SORBS2: variants seen among roughly 807,000 people sequenced by gnomAD.
SORBS2 encodes the protein sorbin and SH3 domain containing 2.
In SORBS2, 46 loss-of-function variants were observed where a neutral mutation model predicts 97.7. That is an observed-to-expected ratio of 0.47 (90% CI 0.37 to 0.60). The LOEUF (loss-of-function observed/expected upper bound fraction) is 0.60. SORBS2 is among the 20% of genes least tolerant of loss of function. The pLI, the probability that SORBS2 is intolerant of heterozygous loss-of-function variation, is 0.00. For missense variants in SORBS2, 1,316 were observed against 1,282.3 expected, an observed-to-expected ratio of 1.03 and a Z score of -0.40; for synonymous variants, 476 against 473.4, an observed-to-expected ratio of 1.01 and a Z score of -0.07.
At position 185,868,147 on chromosome 4, in the gene SORBS2, C is replaced by CTTTCTTTCTTTTTTTTTTTT. The variant is rs1288748201; in HGVS notation, c.-338+88048_-338+88049insAAAAAAAAAAAAGAAAGAAA. Among the ~76,000 whole-genome samples, 153 of 89,746 alleles carry CTTTCTTTCTTTTTTTTTTTT rather than the reference C, an allele frequency of 1.7e-3. 13 individuals are homozygous for CTTTCTTTCTTTTTTTTTTTT. Among genetic ancestry groups the CTTTCTTTCTTTTTTTTTTTT allele is most frequent in the Middle Eastern group, 6.8e-3 (1 of 146 alleles). 58.9% of individuals were successfully genotyped at this position (89,746 alleles called of 152,430 possible). A position where few individuals can be genotyped will look rare whatever the true frequency, so the allele number is the denominator to read the frequency against. On this transcript the variant is annotated intron_variant, in intron 1 of 20. Transcript: ENST00000284776. ...TCTACTTTCCTTTCTCTTTTCTTTTCTTTTTTTCTTTCTTTTTTTTTTTTT... is the reference window on the plus strand; with the variant it reads ...TCTACTTTCCTTTCTCTTTTCTTTTCTTTCTTTCTTTTTTTTTTTTTTTTTTTCTTTCTTTTTTTTTTTTT...
chr4:185,612,647 C>G (rs2096559789), intron 11 of SORBS2, among the ~76,000 whole-genome samples: 1 of 151,934 alleles, frequency 6.6e-6, no homozygotes, highest in Admixed American at 6.6e-5. Context: ...CGCCACCAGG[C>G]CCGGCTAATT....
chr4:185,875,232 A>T (rs7674855), intron 1 of SORBS2, among the ~76,000 whole-genome samples: 65,348 of 151,964 alleles, frequency 0.43, 15,271 homozygotes, highest in East Asian at 0.72. Flanking sequence ...TGCAAATTGC[A>T]AACAGAGTAC....
intron 2 of SORBS2, among the ~76,000 whole-genome samples, chr4:185,730,454 G>C (rs548643394): frequency 1.3e-5 from 2 of 151,892 alleles, no homozygotes; most frequent in African/African-American, 4.8e-5. Context: ...GTCACCCATT[G>C]TGTGCAGCAC....
chr4:185,722,493 C>T (rs4862568), intron 2 of SORBS2, among the ~76,000 whole-genome samples: 84,117 of 151,966 alleles, frequency 0.55, 23,651 homozygotes, highest in Middle Eastern at 0.65. Flanking sequence ...TGGATATTTT[C>T]AGAAGTGTGA....
At chr4:185,713,545 G>A (rs1393130336) in intron 2 of SORBS2, among the ~76,000 whole-genome samples, 3 of 151,640 alleles carry the variant, frequency 2.0e-5, no homozygotes, top group Non-Finnish European at 2.9e-5. Context: ...TACTGGCATC[G>A]TGTGGCTCTA....
In SORBS2 at chr4:185,624,007, G is replaced by C. The variant is rs776166412; in HGVS notation, c.1122C>G (p.Ile374Met). ...GCAGAATCCTGGACTTCACGGAGCA[G>C]ATCACCTCGGAGTTCATCAGGTCCT... is the stretch of plus-strand genomic sequence containing the variant. Residue 374 changes from isoleucine (I) to methionine (M), a missense_variant, in exon 7 of 15, where the codon ATC becomes ATG. Coordinates refer to ENST00000418609, the Ensembl canonical transcript of SORBS2. 26 of 1,614,094 alleles carry C rather than the reference G, an allele frequency of 1.6e-5. No homozygotes were observed. In the East Asian group the frequency reaches 4.2e-4, roughly 26 times the overall value.
At chr4:185,694,645 G>T (rs745601521) in intron 2 of SORBS2, among the ~76,000 whole-genome samples, 5 of 151,694 alleles carry the variant, frequency 3.3e-5, no homozygotes, top group Non-Finnish European at 7.4e-5. Flanking sequence ...ATGACTTCGG[G>T]TCTATAGTCT....
chr4:185,799,173 A>C (rs2099119131), intron 1 of SORBS2, among the ~76,000 whole-genome samples: 1 of 152,226 alleles, frequency 6.6e-6, no homozygotes, highest in South Asian at 2.1e-4. Flanking sequence ...GTTTTCTGGA[A>C]TTGGTAAGCA....
chr4:185,930,484 C>T (rs1326922501), intron 1 of SORBS2, among the ~76,000 whole-genome samples: 1 of 151,840 alleles, frequency 6.6e-6, no homozygotes, highest in Non-Finnish European at 1.5e-5. Context: ...TTTTTTAGTA[C>T]AGACAGGGTT....
intron 1 of SORBS2, among the ~76,000 whole-genome samples, chr4:185,929,865 C>G (rs977461903): frequency 6.6e-6 from 1 of 152,018 alleles, no homozygotes; most frequent in Non-Finnish European, 1.5e-5. Flanking sequence ...TGATTTTGGG[C>G]GTGTGTGACA....
At chr4:185,643,019 T>A (rs915445144) in intron 4 of SORBS2, among the ~76,000 whole-genome samples, 3 of 152,250 alleles carry the variant, frequency 2.0e-5, no homozygotes, top group African/African-American at 7.2e-5. Context: ...GAATGCATAT[T>A]CACTGAACAC....
At chr4:185,813,205 G>A (rs2099189797) in intron 1 of SORBS2, 1 of 152,186 alleles carries the variant, frequency 6.6e-6, no homozygotes, top group African/African-American at 2.4e-5. Flanking sequence ...CTTTGGACTT[G>A]TAAATATAGA....
intron 4 of SORBS2, among the ~76,000 whole-genome samples, chr4:185,641,656 T>C (rs923302276): frequency 6.6e-6 from 1 of 152,028 alleles, no homozygotes; most frequent in African/African-American, 2.4e-5. Context: ...TTAGGAGGTA[T>C]GATTATGGTT....
At chr4:185,680,298 T>G (rs115746947) in intron 2 of SORBS2, among the ~76,000 whole-genome samples, 1,865 of 152,348 alleles carry the variant, frequency 0.012, 39 homozygotes, top group African/African-American at 0.041. Context: ...TATGTGCCAC[T>G]GGGCCTGGCC....
At chr4:185,921,320 A>T (rs113010761) in intron 1 of SORBS2, among the ~76,000 whole-genome samples, 133 of 152,370 alleles carry the variant, frequency 8.7e-4, no homozygotes, top group African/African-American at 3.1e-3. Context: ...CAATCACTGT[A>T]GGCTGTTTTT....
At chr4:185,858,710 A>G (rs902156635) in intron 1 of SORBS2, among the ~76,000 whole-genome samples, 3 of 152,232 alleles carry the variant, frequency 2.0e-5, no homozygotes, top group Non-Finnish European at 2.9e-5. Context: ...ATCTACTTTT[A>G]AACATAAAAC....
At chr4:185,940,443 C>T (rs2099271371) in intron 1 of SORBS2, among the ~76,000 whole-genome samples, 2 of 152,292 alleles carry the variant, frequency 1.3e-5, no homozygotes, top group East Asian at 1.9e-4. Flanking sequence ...TGTTGCAGCT[C>T]ACCACCTCCC....
At position 185,607,593 on chromosome 4, in the gene SORBS2, A is replaced by G. The variant is rs563992993; in HGVS notation, c.2796+4187T>C. Among the ~76,000 whole-genome samples, 15 of 152,334 alleles carry G rather than the reference A, an allele frequency of 9.8e-5. No individual in the cohort carries two copies. The South Asian group carries it at 3.1e-3, about 32-fold the overall frequency. ...AAAGTTACTTCACAAATGAAACTCT[A>G]CTAGTTTTGGAAGGGGTCTTAAATG... On this transcript the variant is annotated intron_variant, in intron 12 of 14. Transcript: ENST00000418609. This position sits in a 1 kb window ranked among gnomAD's most constrained non-coding sequence, Gnocchi z 5.2.
At chr4:185,836,909 G>C (rs1367878098) in intron 1 of SORBS2, among the ~76,000 whole-genome samples, 1 of 152,282 alleles carries the variant, frequency 6.6e-6, no homozygotes, top group East Asian at 1.9e-4. Flanking sequence ...ATGACCTCTT[G>C]ACTCCAGAGT....
Sources: gnomAD v4.1 joint callset for allele counts (sites outside exome capture counted in the v4.1 genomes callset) on GRCh38, gnomAD v4.1.1 for gene constraint, Gnocchi (gnomAD v3.1) non-coding constraint, MANE v1.5 for transcripts, NCBI Gene and HGNC (gene_info 2026-07-23, HGNC 2026-07-21) for gene names.